Variants in GRHL2 observed in about 807,000 individuals in gnomAD.
GRHL2 encodes grainyhead-like protein 2 homolog.
GRHL2 carries 21 observed loss-of-function variants against 83.8 expected under a neutral mutation model. The ratio of observed to expected loss-of-function variants is 0.25; its 90% confidence interval spans 0.18 to 0.36. The LOEUF is 0.36. Among genes scored for constraint, GRHL2 ranks in the 10% least tolerant of loss-of-function variants. The pLI is 1.00. For missense variants in GRHL2, 623 were observed against 781.8 expected (o/e 0.80, Z 2.42); for synonymous variants, 280 against 278.9 (o/e 1.00, Z -0.04).
At chr8:101,566,600 ATAT>A (rs1219006824) in intron 4 of GRHL2, among the ~76,000 whole-genome samples, 2 of 147,952 alleles carry the variant, frequency 1.4e-5, no homozygotes, top group Non-Finnish European at 3.0e-5. Context: ...ATTATTATAT[ATAT>A]TATTATAATT....
At chr8:101,598,904 A>G (rs942048838) in intron 7 of GRHL2, among the ~76,000 whole-genome samples, 153 bp from the exon 8 acceptor site, 1 of 152,240 alleles carries the variant, frequency 6.6e-6, no homozygotes, top group African/African-American at 2.4e-5. Flanking sequence ...TTAGTAAAAG[A>G]ACATCAGTGA....
At chr8:101,632,631 C>A (rs542505321) in intron 11 of GRHL2, among the ~76,000 whole-genome samples, 54 of 152,288 alleles carry the variant, frequency 3.5e-4, no homozygotes, top group African/African-American at 1.3e-3. Flanking sequence ...AGGCTGATAA[C>A]CTGTAAGAAG....
rs968898204 is a variant in GRHL2 at position 101,595,220 on chromosome 8, G to C, written c.1004-3837G>C. Among the ~76,000 whole-genome samples the C allele has an allele frequency of 7.9e-5, 12 of 152,124 alleles. 1 individual carries two copies. The highest frequency in any genetic ancestry group is 7.9e-4 in the Admixed American group (12 of 15,280). On this transcript the variant is annotated intron_variant, in intron 7 of 15. Transcript: ENST00000646743. ...AAGTGAAGGTGATAGAAACTGACAG[G>C]GACCTTGAACAAGATTAGAGTATTT...
chr8:101,584,794 G>T (rs925583087), intron 7 of GRHL2, among the ~76,000 whole-genome samples: 1 of 151,932 alleles, frequency 6.6e-6, no homozygotes, highest in South Asian at 2.1e-4. Context: ...TAGCCAGGTG[G>T]CTAGGTGGTC....
At chr8:101,601,940 A>G (rs1318137399) in intron 8 of GRHL2, among the ~76,000 whole-genome samples, 2 of 152,116 alleles carry the variant, frequency 1.3e-5, no homozygotes, top group Admixed American at 6.5e-5. Context: ...AAAGCCTTGC[A>G]TGCATTAGGT....
At position 101,492,647 on chromosome 8, in the gene GRHL2, C is replaced by G; in HGVS notation, c.-123C>G. On this transcript the variant is annotated 5_prime_UTR_variant, in exon 1 of 16. Transcript: ENST00000646743. The stretch of plus-strand genomic sequence containing the variant: ...GAGGGGGGACGGAAAAGCAGAATTA[C>G]CTGTAGCTCTTGTTCTGCCATCTCG... 1.2e-6 allele frequency: 1 copy of G among 822,694 alleles called. No individual in the cohort carries two copies. Among genetic ancestry groups the G allele is most frequent in the East Asian group, 2.4e-5 (1 of 41,352 alleles). 51.0% of individuals were successfully genotyped at this position (822,694 alleles called of 1,614,324 possible).
At chr8:101,664,703 G>GAGGC (rs1814006824) in intron 15 of GRHL2, among the ~76,000 whole-genome samples, 185 bp downstream of exon 15, 1 of 152,036 alleles carries the variant, frequency 6.6e-6, no homozygotes, top group Admixed American at 6.6e-5. Flanking sequence ...GGGAGGGAGG[G>GAGGC]AGGCAGTGCA....
chr8:101,652,557 T>TG, intron 14 of GRHL2, among the ~76,000 whole-genome samples: 3 of 50,202 alleles, frequency 6.0e-5, no homozygotes, highest in Non-Finnish European at 1.2e-4. Context: ...GGTGTGTATG[T>TG]GTGGTGGTGT....
At chr8:101,608,722 T>C (rs1187717518) in intron 8 of GRHL2, among the ~76,000 whole-genome samples, 2 of 137,098 alleles carry the variant, frequency 1.5e-5, no homozygotes, top group African/African-American at 2.9e-5. Flanking sequence ...TTGCTTTGTC[T>C]CTGCTCACTC....
At chr8:101,637,738 T>C (rs1813318150) in intron 12 of GRHL2, among the ~76,000 whole-genome samples, 1 of 152,194 alleles carries the variant, frequency 6.6e-6, no homozygotes, top group Admixed American at 6.5e-5. Flanking sequence ...CATCACACTA[T>C]TGGACGATTC....
intron 1 of GRHL2, among the ~76,000 whole-genome samples, chr8:101,523,637 G>A (rs1400094165): frequency 6.6e-6 from 1 of 151,822 alleles, no homozygotes; most frequent in Non-Finnish European, 1.5e-5. Context: ...CACCATGTGT[G>A]GCTAATTTTT....
At chr8:101,500,243 G>A (rs1352534505) in intron 1 of GRHL2, among the ~76,000 whole-genome samples, 1 of 152,130 alleles carries the variant, frequency 6.6e-6, no homozygotes, top group African/African-American at 2.4e-5. Context: ...TTTTGCTTTG[G>A]CCCAGGAGGA....
In GRHL2 at chr8:101,649,493, G is replaced by T. The variant is rs369314800; in HGVS notation, c.1692G>T (p.Met564Ile). ...AGTCTCCCACAGTGAAGGGCCTGATGGAAGCGGTAAGCCATATACTCCTTT... is the reference window on the plus strand; with the variant it reads ...AGTCTCCCACAGTGAAGGGCCTGATTGAAGCGGTAAGCCATATACTCCTTT... ...MLKSPTVKGL[M>I]EAISEKYGLP... is the part of the protein sequence containing the mutation. The change falls in exon 14 of 16, where the codon ATG becomes ATT. Residue 564 changes from methionine (M) to isoleucine (I), a missense_variant. Physicochemically the swap from Met to Ile is conservative, Grantham distance 10. Transcript: ENST00000646743. 6.9e-5 allele frequency: 112 copies of T among 1,612,702 alleles called. No homozygotes were observed. Among genetic ancestry groups the T allele is most frequent in the Non-Finnish European group, 8.7e-5 (103 of 1,178,938 alleles).
intron 1 of GRHL2, among the ~76,000 whole-genome samples, chr8:101,537,093 A>G (rs1218963404): frequency 6.6e-6 from 1 of 152,200 alleles, no homozygotes; most frequent in East Asian, 1.9e-4. Context: ...ATGTTCCTGC[A>G]AAGGACATGA....
chr8:101,512,082 T>C (rs2130011578), intron 1 of GRHL2, among the ~76,000 whole-genome samples: 1 of 152,316 alleles, frequency 6.6e-6, no homozygotes, highest in East Asian at 1.9e-4. Flanking sequence ...GTTTATACAA[T>C]GTTTTAATAT....
At chr8:101,602,642 G>C (rs1812540481) in intron 8 of GRHL2, among the ~76,000 whole-genome samples, 1 of 152,190 alleles carries the variant, frequency 6.6e-6, no homozygotes, top group African/African-American at 2.4e-5. Flanking sequence ...GATAATTAAA[G>C]ATTCTGGCAA....
intron 12 of GRHL2, among the ~76,000 whole-genome samples, chr8:101,642,175 A>C (rs992783738): frequency 6.6e-6 from 1 of 152,220 alleles, no homozygotes; most frequent in Non-Finnish European, 1.5e-5. Flanking sequence ...CCTTGCTTTG[A>C]AAACAAATGA....
chr8:101,631,541 G>A, intron 9 of GRHL2, 96 bp from the exon 10 acceptor site: 2 of 997,268 alleles, frequency 2.0e-6, no homozygotes, highest in Non-Finnish European at 3.1e-6. Context: ...CTCCTCCCCT[G>A]TATTGTTTCA....
At chr8:101,518,233 A>G (rs924036979) in intron 1 of GRHL2, among the ~76,000 whole-genome samples, 1 of 152,160 alleles carries the variant, frequency 6.6e-6, no homozygotes, top group Admixed American at 6.5e-5. Flanking sequence ...ACGTGGCAAA[A>G]ACCCGTTTCT....
Sources: allele counts gnomAD v4.1 joint callset (sites outside exome capture counted in the v4.1 genomes callset), GRCh38; gene constraint gnomAD v4.1.1; transcripts MANE v1.5; gene names NCBI Gene and HGNC (gene_info 2026-07-23, HGNC 2026-07-21).